PLA2G10: variants seen among roughly 807,000 people sequenced by gnomAD.
The protein encoded by PLA2G10 is phospholipase A2 group X.
A neutral mutation model predicts 7.9 loss-of-function variants in PLA2G10; 9 were observed. The observed-to-expected ratio is 1.14, with a 90% CI of 0.68 to 1.98. The LOEUF (loss-of-function observed/expected upper bound fraction) is 1.98, where lower values mean the gene tolerates loss of function less well. PLA2G10 is among the 30% of genes most tolerant of loss of function. The probability of loss-of-function intolerance (pLI) is 0.00; values close to 1 mark genes in which losing one functional copy is unlikely to be tolerated. For missense variants in PLA2G10, 53 were observed against 65.4 expected, an observed-to-expected ratio of 0.81 and a Z score of 0.66; for synonymous variants, 19 against 27.5, an observed-to-expected ratio of 0.69 and a Z score of 0.97.
At chr16:14,687,160 C>T (rs1961102431) in intron 3 of PLA2G10, among the ~76,000 whole-genome samples, 1 of 151,132 alleles carries the variant, frequency 6.6e-6, no homozygotes, top group South Asian at 2.1e-4. Flanking sequence ...AACCCACACT[C>T]CAAAAACAAA....
intron 3 of PLA2G10, among the ~76,000 whole-genome samples, chr16:14,677,733 G>GGATGGAT (rs1330830495): frequency 2.0e-5 from 3 of 152,036 alleles, no homozygotes; most frequent in Non-Finnish European, 2.9e-5. Flanking sequence ...ATGGATGGAT[G>GGATGGAT]GATGGATGAT....
chr16:14,684,994 A>G (rs1961011031), intron 3 of PLA2G10, among the ~76,000 whole-genome samples: 1 of 152,222 alleles, frequency 6.6e-6, no homozygotes, highest in Non-Finnish European at 1.5e-5. Context: ...TCATTGAATG[A>G]ATGGATAAAC....
chr16:14,679,563 G>A (rs1960826837), intron 3 of PLA2G10, among the ~76,000 whole-genome samples: 1 of 151,806 alleles, frequency 6.6e-6, no homozygotes, highest in Non-Finnish European at 1.5e-5. Context: ...GGGAGGCTGA[G>A]GCAGGAGAAT....
At chr16:14,681,680 A>G (rs957882180) in intron 3 of PLA2G10, among the ~76,000 whole-genome samples, 1 of 151,908 alleles carries the variant, frequency 6.6e-6, no homozygotes, top group Admixed American at 6.6e-5. Context: ...TAAATAAACA[A>G]CTATGTTCAG....
rs571216669 is a variant in PLA2G10 at position 14,687,432 on chromosome 16, C to T, written c.355+733G>A. ...CAGCCTCAACCTCCTGGGCTTCAAG[C>T]GATCCTCCCACCTCAGCCTCCCAAG... On this transcript the variant is annotated intron_variant, in intron 3 of 3. Transcript: ENST00000438167. Among the ~76,000 whole-genome samples, 21 of 150,864 alleles carry T rather than the reference C, an allele frequency of 1.4e-4. 1 individual carries two copies. Among genetic ancestry groups the T allele is most frequent in the African/African-American group, 4.6e-4 (19 of 41,098 alleles).
At chr16:14,680,881 A>C (rs1171766607) in intron 3 of PLA2G10, among the ~76,000 whole-genome samples, 1 of 152,006 alleles carries the variant, frequency 6.6e-6, no homozygotes, top group Non-Finnish European at 1.5e-5. Flanking sequence ...AAAGCCTTAG[A>C]AAAGCCATTC....
In PLA2G10 at chr16:14,679,660, C is replaced by CA. The variant is rs770745365; in HGVS notation, c.356-6912dup. On this transcript the variant is annotated intron_variant, in intron 3 of 3. Coordinates refer to ENST00000438167, the MANE Select transcript of PLA2G10 (RefSeq NM_003561.3). ...GGGCAACAAGAGCAAGACTCCACCT[C>CA]AAAAAAAAAAAAAAATAATAATAAT... 3.6e-3 allele frequency among the ~76,000 whole-genome samples: 466 copies of CA among 130,468 alleles called. 2 individuals carry two copies. The highest frequency in any genetic ancestry group is 9.4e-3 in the Admixed American group (122 of 13,002). 85.6% of individuals were successfully genotyped at this position (130,468 alleles called of 152,430 possible).
chr16:14,677,104 C>T (rs1438625101), intron 3 of PLA2G10, among the ~76,000 whole-genome samples: 1 of 152,100 alleles, frequency 6.6e-6, no homozygotes, highest in African/African-American at 2.4e-5. Context: ...CCTAAGGCTA[C>T]TGAAATAAAT....
intron 3 of PLA2G10, chr16:14,678,625 C>T (rs185543775): frequency 2.7e-5 from 8 of 295,680 alleles, no homozygotes; most frequent in Non-Finnish European, 5.5e-5. Flanking sequence ...CATAAATTAG[C>T]AGGGCATGGT....
chr16:14,683,672 CA>C (rs1022167086), intron 3 of PLA2G10, among the ~76,000 whole-genome samples: 2 of 152,060 alleles, frequency 1.3e-5, no homozygotes, highest in African/African-American at 2.4e-5. Flanking sequence ...AAAATTAACT[CA>C]AAATGGATCA....
chr16:14,682,269 A>G (rs1445696382), intron 3 of PLA2G10, among the ~76,000 whole-genome samples: 1 of 152,210 alleles, frequency 6.6e-6, no homozygotes, highest in Non-Finnish European at 1.5e-5. Flanking sequence ...GTAAGAATAT[A>G]TAGCTGAAGA....
chr16:14,675,021 A>T (rs1960688054), intron 3 of PLA2G10, among the ~76,000 whole-genome samples: 1 of 151,994 alleles, frequency 6.6e-6, no homozygotes, highest in Admixed American at 6.6e-5. Flanking sequence ...AAAATACAAA[A>T]TTAGCTGGGC....
At chr16:14,677,764 C>T in intron 3 of PLA2G10, among the ~76,000 whole-genome samples, 1 of 149,890 alleles carries the variant, frequency 6.7e-6, no homozygotes, top group East Asian at 2.0e-4. Context: ...CAATGGATGG[C>T]TGGATAGATG....
chr16:14,677,403 T>G (rs1424297574), intron 3 of PLA2G10, among the ~76,000 whole-genome samples: 1 of 152,156 alleles, frequency 6.6e-6, no homozygotes, highest in Non-Finnish European at 1.5e-5. Context: ...AGTTTCACTC[T>G]GTTGCCAGGC....
intron 3 of PLA2G10, among the ~76,000 whole-genome samples, chr16:14,683,191 C>T (rs954493043): frequency 6.6e-6 from 1 of 151,570 alleles, no homozygotes; most frequent in East Asian, 1.9e-4. Context: ...TGATGAAATC[C>T]TCCTCCATCT....
intron 3 of PLA2G10, among the ~76,000 whole-genome samples, chr16:14,677,318 G>C (rs1275276737): frequency 5.3e-5 from 8 of 152,146 alleles, no homozygotes. Flanking sequence ...AAGTGTACAA[G>C]TCAGTGACAT....
chr16:14,676,509 T>C (rs1362596779), intron 3 of PLA2G10, among the ~76,000 whole-genome samples: 2 of 152,018 alleles, frequency 1.3e-5, no homozygotes, highest in South Asian at 2.1e-4. Context: ...TGAAACCCCA[T>C]CTCTACTAAA....
intron 3 of PLA2G10, among the ~76,000 whole-genome samples, chr16:14,679,792 A>C (rs1960837115): frequency 6.6e-6 from 1 of 152,104 alleles, no homozygotes. Flanking sequence ...TTGAGGCTGC[A>C]GTGAGTTGTG....
intron 3 of PLA2G10, among the ~76,000 whole-genome samples, chr16:14,680,573 G>A (rs958801213): frequency 1.3e-5 from 2 of 152,052 alleles, no homozygotes; most frequent in African/African-American, 4.8e-5. Context: ...TGTTGCCCAG[G>A]CTGGTCTCAA....
Sources: allele counts gnomAD v4.1 joint callset (sites outside exome capture counted in the v4.1 genomes callset), GRCh38; gene constraint gnomAD v4.1.1; transcripts MANE v1.5; gene names NCBI Gene and HGNC (gene_info 2026-07-23, HGNC 2026-07-21).